The following CASS4 variants were observed in gnomAD, a reference collection of about 807,000 sequenced individuals.
The protein encoded by CASS4 is Cas scaffold protein family member 4, also known as cas scaffolding protein family member 4.
Under a neutral mutation model 54.2 loss-of-function variants are expected in CASS4, and 22 were observed. The observed-to-expected ratio is 0.41, with a 90% CI of 0.29 to 0.58. CASS4 has a LOEUF of 0.58. Ranked by LOEUF, CASS4 falls within the 20% of genes least tolerant of loss-of-function variation. The pLI, the probability that CASS4 is intolerant of heterozygous loss-of-function variation, is 0.36. For synonymous variants in CASS4, 409 were observed against 391.5 expected, an observed-to-expected ratio of 1.04 and a Z score of -0.53; for missense variants, 854 against 986.7, an observed-to-expected ratio of 0.87 and a Z score of 1.80.
intron 1 of CASS4, among the ~76,000 whole-genome samples, chr20:56,419,723 G>T (rs1979326812): frequency 6.6e-6 from 1 of 151,424 alleles, no homozygotes; most frequent in African/African-American, 2.4e-5. Flanking sequence ...GAGCCACCGT[G>T]CCCGGCTAGG....
At chr20:56,436,043 C>T (rs895888068) in intron 1 of CASS4, among the ~76,000 whole-genome samples, 7 of 152,210 alleles carry the variant, frequency 4.6e-5, no homozygotes, top group South Asian at 2.1e-4. Flanking sequence ...TGAAACACTG[C>T]GCCCAGCCTC....
In CASS4 at chr20:56,445,980, C is replaced by A; in HGVS notation, c.540C>A (p.His180Gln). The part of the protein sequence containing the change: ...PSQVYDVPTQ[H>Q]RGPVVLKEPE... ...AGGTGTATGACGTGCCTACCCAGCA[C>A]CGGGGCCCCGTGGTCCTGAAGGTGA... Residue 180 changes from histidine (H) to glutamine (Q), a missense_variant, in exon 3 of 6, where the codon CAC (histidine) becomes CAA (glutamine). Coordinates refer to ENST00000679887, the MANE Select transcript of CASS4 (RefSeq NM_020356.4). 2.5e-6 allele frequency: 4 copies of A among 1,613,810 alleles called. No individual in the cohort carries two copies. Among genetic ancestry groups the A allele is most frequent in the Non-Finnish European group, 3.4e-6 (4 of 1,179,960 alleles).
rs1978924185 is a variant in CASS4 at position 56,412,470 on chromosome 20, A to G, written c.12A>G (p.Thr4=). MKG[T]GIMDCAPKAL... Reference sequence around the variant, plus strand: ...TCCACATCACCGACATGAAGGGAACAGGCATCATGGACTGTGCGCCCAAGG... The same window carrying G: ...TCCACATCACCGACATGAAGGGAACGGGCATCATGGACTGTGCGCCCAAGG... Residue 4 remains threonine (T), a synonymous_variant, in exon 1 of 6, where the codon ACA becomes ACG. Transcript: ENST00000679887. This position sits in a 1 kb window ranked among gnomAD's most constrained non-coding sequence, Gnocchi z 4.2. 1 of 1,612,766 alleles carries G rather than the reference A, an allele frequency of 6.2e-7. No individual in the cohort carries two copies. Among genetic ancestry groups the G allele is most frequent in the South Asian group, 1.1e-5 (1 of 90,664 alleles).
At chr20:56,445,863 A>C in intron 2 of CASS4, 37 bp from the exon 3 acceptor site, 1 of 1,454,394 alleles carries the variant, frequency 6.9e-7, no homozygotes, top group Non-Finnish European at 9.6e-7. Flanking sequence ...TCAGAGTGAC[A>C]TTTCCTTTTC....
intron 2 of CASS4, among the ~76,000 whole-genome samples, chr20:56,440,232 A>G (rs1980392610): frequency 6.6e-6 from 1 of 152,150 alleles, no homozygotes; most frequent in Non-Finnish European, 1.5e-5. Flanking sequence ...TTCTGGAACA[A>G]CTGGCCCCGA....
intron 1 of CASS4, among the ~76,000 whole-genome samples, chr20:56,429,341 G>T (rs932987883): frequency 2.0e-5 from 3 of 152,016 alleles, no homozygotes; most frequent in Admixed American, 2.0e-4. Flanking sequence ...ACCTCAAGTT[G>T]CATCCAGTCC....
At chr20:56,425,327 T>G (rs1979588841) in intron 1 of CASS4, among the ~76,000 whole-genome samples, 1 of 152,214 alleles carries the variant, frequency 6.6e-6, no homozygotes, top group African/African-American at 2.4e-5. Flanking sequence ...TAGATCCCAT[T>G]TAACAGTCAT....
intron 2 of CASS4, among the ~76,000 whole-genome samples, chr20:56,445,568 C>G (rs116762689): frequency 0.014 from 2,168 of 152,372 alleles, 57 homozygotes; most frequent in African/African-American, 0.05. Context: ...CTTGTTAACA[C>G]TGCAGGTTCC....
At position 56,414,265 on chromosome 20, in the gene CASS4, T is replaced by A. The variant is rs1328944872; in HGVS notation, c.36+1771T>A. On this transcript the variant is annotated intron_variant, in intron 1 of 5. Transcript: ENST00000679887. This position sits in a 1 kb window ranked among gnomAD's most constrained non-coding sequence, Gnocchi z 4.1. ...TGTGTGTTTGTCTTTCTGATCCAGG[T>A]GGTGTTTGTCAATTCTCAGTTCTTA... Among the ~76,000 whole-genome samples, 1 of 152,226 alleles carries A rather than the reference T, an allele frequency of 6.6e-6. No individual in the cohort carries two copies. Among genetic ancestry groups the A allele is most frequent in the Non-Finnish European group, 1.5e-5 (1 of 68,044 alleles).
chr20:56,417,697 G>T (rs1236636276), intron 1 of CASS4, among the ~76,000 whole-genome samples: 2 of 152,196 alleles, frequency 1.3e-5, no homozygotes, highest in African/African-American at 4.8e-5. Context: ...TGCAGGTGGA[G>T]CCCTGGCTGC....
intron 1 of CASS4, among the ~76,000 whole-genome samples, chr20:56,433,079 G>T (rs556531441): frequency 6.6e-6 from 1 of 152,220 alleles, no homozygotes; most frequent in African/African-American, 2.4e-5. Flanking sequence ...ATCATGGGAC[G>T]CAGTCCAGAA....
chr20:56,429,853 AT>A (rs1396224191), intron 1 of CASS4, among the ~76,000 whole-genome samples: 2 of 151,820 alleles, frequency 1.3e-5, no homozygotes, highest in African/African-American at 4.8e-5. Flanking sequence ...AACTTCCTGT[AT>A]TTTTTCATAA....
At chr20:56,427,736 T>C (rs1351980509) in intron 1 of CASS4, among the ~76,000 whole-genome samples, 2 of 152,230 alleles carry the variant, frequency 1.3e-5, no homozygotes, top group Admixed American at 6.5e-5. Flanking sequence ...ATTTATAGTA[T>C]ATGCAGTTTT....
chr20:56,424,243 A>G (rs1285636292), intron 1 of CASS4, among the ~76,000 whole-genome samples: 2 of 152,234 alleles, frequency 1.3e-5, no homozygotes, highest in Non-Finnish European at 2.9e-5. Context: ...TAACAACCTC[A>G]TAAACTAATT....
At chr20:56,436,358 G>GTATA (rs775709837) in intron 1 of CASS4, among the ~76,000 whole-genome samples, 31 of 144,412 alleles carry the variant, frequency 2.1e-4, no homozygotes, top group Non-Finnish European at 3.5e-4. Context: ...GTGTGTGTGT[G>GTATA]TGTATATATA....
intron 2 of CASS4, among the ~76,000 whole-genome samples, chr20:56,440,643 T>G (rs1415176129): frequency 6.6e-6 from 1 of 152,226 alleles, no homozygotes; most frequent in Non-Finnish European, 1.5e-5. Context: ...GAGTCCACTA[T>G]CAACTGCTAG....
chr20:56,413,174 AAAAAAAAAAAG>A (rs1978963146), intron 1 of CASS4, among the ~76,000 whole-genome samples: 1 of 151,712 alleles, frequency 6.6e-6, no homozygotes. Context: ...CCATCTTAAA[AAAAAAAAAAAG>A]AAAAGAAAAG....
rs75225999 is a variant in CASS4 at position 56,442,573 on chromosome 20, C to T, written c.460-3327C>T. 4.4e-3 allele frequency among the ~76,000 whole-genome samples: 664 copies of T among 151,900 alleles called. 19 individuals are homozygous for T. The highest frequency in any genetic ancestry group is 0.015 in the African/African-American group (637 of 41,180). The stretch of plus-strand genomic sequence containing the variant: ...CCACCCCAGAAGCCTCCAGTGCCTT[C>T]TCTCTGTCACTTCCCCACTAGGGTA... On this transcript the variant is annotated intron_variant, in intron 2 of 5. Coordinates refer to ENST00000679887, the MANE Select transcript of CASS4 (RefSeq NM_020356.4).
chr20:56,441,821 T>C (rs1326748467), intron 2 of CASS4, among the ~76,000 whole-genome samples: 5 of 152,160 alleles, frequency 3.3e-5, no homozygotes, highest in African/African-American at 1.2e-4. Context: ...TTTTCTAAAG[T>C]CACCTTCAGA....
Sources: gnomAD v4.1 joint callset for allele counts (sites outside exome capture counted in the v4.1 genomes callset) on GRCh38, gnomAD v4.1.1 for gene constraint, Gnocchi (gnomAD v3.1) non-coding constraint, MANE v1.5 for transcripts, NCBI Gene and HGNC (gene_info 2026-07-23, HGNC 2026-07-21) for gene names.